The following GMDS variants were observed in gnomAD, a reference collection of about 807,000 sequenced individuals.
The protein encoded by GMDS is GDP-mannose 4,6-dehydratase.
GMDS carries 20 observed loss-of-function variants against 49.9 expected under a neutral mutation model. The observed-to-expected ratio is 0.40, with a 90% CI of 0.28 to 0.58. GMDS has a LOEUF of 0.58. Ranked by LOEUF, GMDS falls within the 20% of genes least tolerant of loss-of-function variation. The pLI is 0.42. For synonymous variants in GMDS, 177 were observed against 178.6 expected, an observed-to-expected ratio of 0.99 and a Z score of 0.07; for missense variants, 362 against 481.4, an observed-to-expected ratio of 0.75 and a Z score of 2.32.
chr6:1,819,567 C>A (rs1163104616), intron 7 of GMDS, among the ~76,000 whole-genome samples: 1 of 151,822 alleles, frequency 6.6e-6, no homozygotes, highest in East Asian at 1.9e-4. Context: ...TTGAGACCAG[C>A]CTGGCCAACA....
At position 1,738,831 on chromosome 6, in the gene GMDS, C is replaced by A. The variant is rs1259506466; in HGVS notation, c.890+3637G>T. Reference sequence around the variant, plus strand: ...TCCATGTTCTCGGCTGAATGCAGATCCTCCTCATCCTTAGCTGGACAGCTC... The same window carrying A: ...TCCATGTTCTCGGCTGAATGCAGATACTCCTCATCCTTAGCTGGACAGCTC... On this transcript the variant is annotated intron_variant, in intron 8 of 10. Coordinates refer to ENST00000380815, the MANE Select transcript of GMDS (RefSeq NM_001500.4). Among the ~76,000 whole-genome samples, 7 of 152,208 alleles carry A rather than the reference C, an allele frequency of 4.6e-5. No individual in the cohort carries two copies. In the East Asian group the frequency reaches 1.3e-3, roughly 29 times the overall value.
At chr6:1,923,815 T>C (rs560513894) in intron 7 of GMDS, among the ~76,000 whole-genome samples, 5 of 152,324 alleles carry the variant, frequency 3.3e-5, no homozygotes, top group Admixed American at 6.5e-5. Flanking sequence ...TCCAGATTTG[T>C]GTAACATAGG....
chr6:2,039,167 T>C (rs987783757), intron 4 of GMDS, among the ~76,000 whole-genome samples: 1 of 152,198 alleles, frequency 6.6e-6, no homozygotes, highest in African/African-American at 2.4e-5. Context: ...TGTGTGTTTA[T>C]AAACACGAAA....
intron 7 of GMDS, among the ~76,000 whole-genome samples, chr6:1,866,954 T>C (rs1454180193): frequency 1.3e-5 from 2 of 152,268 alleles, no homozygotes; most frequent in Admixed American, 1.3e-4. Context: ...TTGACTGTTT[T>C]GTTAACTTTT....
chr6:1,959,513 T>A (rs1283773620), intron 6 of GMDS, among the ~76,000 whole-genome samples: 1 of 152,230 alleles, frequency 6.6e-6, no homozygotes, highest in African/African-American at 2.4e-5. Flanking sequence ...TCTATTTGAA[T>A]AGGAGTAATT....
intron 6 of GMDS, among the ~76,000 whole-genome samples, chr6:1,934,306 G>A (rs1020159528): frequency 6.6e-6 from 1 of 152,164 alleles, no homozygotes; most frequent in African/African-American, 2.4e-5. Flanking sequence ...TAAAAATTAG[G>A]AAGTATGAGT....
At chr6:1,749,292 T>C (rs972586330) in intron 7 of GMDS, among the ~76,000 whole-genome samples, 162 of 152,146 alleles carry the variant, frequency 1.1e-3, no homozygotes, top group African/African-American at 3.6e-3. Context: ...CCAGTGACAA[T>C]AAAATTGGCT....
At chr6:1,903,568 C>T (rs1057185670) in intron 7 of GMDS, among the ~76,000 whole-genome samples, 1 of 152,234 alleles carries the variant, frequency 6.6e-6, no homozygotes, top group African/African-American at 2.4e-5. Flanking sequence ...GCATAAATCT[C>T]ACTGCATTTT....
At chr6:1,687,704 C>A (rs1765026315) in intron 9 of GMDS, among the ~76,000 whole-genome samples, 1 of 152,082 alleles carries the variant, frequency 6.6e-6, no homozygotes, top group Admixed American at 6.6e-5. Flanking sequence ...TTCAGAGAAG[C>A]CACGGAGGCT....
chr6:2,141,780 C>T (rs1049220865), intron 1 of GMDS, among the ~76,000 whole-genome samples: 6 of 152,290 alleles, frequency 3.9e-5, no homozygotes, highest in East Asian at 1.9e-4. Context: ...CACACTGTGG[C>T]CCTGCCATCT....
chr6:2,059,662 CGCACCACTGCACTCCAGCCT>C (rs1400280579), intron 4 of GMDS, among the ~76,000 whole-genome samples: 2 of 120,620 alleles, frequency 1.7e-5, no homozygotes, highest in African/African-American at 6.5e-5. Flanking sequence ...GAGCCGAGAT[CGCACCACTGCACTCCAGCCT>C]GGGCGACAGA....
chr6:1,675,433 C>A (rs747078899), intron 9 of GMDS, among the ~76,000 whole-genome samples: 4 of 151,744 alleles, frequency 2.6e-5, no homozygotes, highest in Non-Finnish European at 5.9e-5. Context: ...GCCTTTTATT[C>A]CTTTTCTTAC....
intron 6 of GMDS, among the ~76,000 whole-genome samples, chr6:1,958,875 T>C (rs1198836386): frequency 2.0e-5 from 3 of 152,252 alleles, no homozygotes; most frequent in Admixed American, 1.3e-4. Flanking sequence ...TTGTAAAGCA[T>C]GTGCATGCTT....
At chr6:1,743,684 T>C (rs1374742423) in intron 7 of GMDS, among the ~76,000 whole-genome samples, 6 of 151,684 alleles carry the variant, frequency 4.0e-5, no homozygotes, top group Non-Finnish European at 8.8e-5. Flanking sequence ...GGTTAGCTTT[T>C]ACCAACAGCA....
At chr6:2,188,142 G>T (rs373559911) in intron 1 of GMDS, among the ~76,000 whole-genome samples, 1 of 152,218 alleles carries the variant, frequency 6.6e-6, no homozygotes, top group African/African-American at 2.4e-5. Context: ...CGAGGAGGGG[G>T]ACTCAAAGCA....
intron 4 of GMDS, among the ~76,000 whole-genome samples, chr6:1,981,203 AAAG>A (rs1765202835): frequency 6.6e-6 from 1 of 151,936 alleles, no homozygotes; most frequent in Admixed American, 6.6e-5. Flanking sequence ...GAGCTGAACT[AAAG>A]AAGACAGAGA....
At position 1,657,260 on chromosome 6, in the gene GMDS, A is replaced by G. The variant is rs1763913073; in HGVS notation, c.988-32720T>C. ...TTCAAGGACATTCTTCCCCAGACAG[A>G]GTGGAGAGTGAGGACTGAAGGGAGA... On this transcript the variant is annotated intron_variant, in intron 9 of 10. Coordinates refer to ENST00000380815, the MANE Select transcript of GMDS (RefSeq NM_001500.4). 2.0e-5 allele frequency among the ~76,000 whole-genome samples: 3 copies of G among 152,186 alleles called. No homozygotes were observed. The South Asian group carries it at 6.2e-4, about 31-fold the overall frequency.
chr6:1,728,962 A>G (rs1442800300), intron 8 of GMDS, among the ~76,000 whole-genome samples: 1 of 152,024 alleles, frequency 6.6e-6, no homozygotes, highest in Non-Finnish European at 1.5e-5. Flanking sequence ...AAAAAACAAA[A>G]AACAAAAAAC....
chr6:2,187,063 T>C (rs1177033720), intron 1 of GMDS, among the ~76,000 whole-genome samples: 1 of 152,234 alleles, frequency 6.6e-6, no homozygotes, highest in African/African-American at 2.4e-5. Flanking sequence ...CTATATTGTG[T>C]ATATTGTATG....
Sources: gnomAD v4.1 joint callset for allele counts (sites outside exome capture counted in the v4.1 genomes callset) on GRCh38, gnomAD v4.1.1 for gene constraint, MANE v1.5 for transcripts, NCBI Gene and HGNC (gene_info 2026-07-23, HGNC 2026-07-21) for gene names.